The following DAB1 variants were observed in gnomAD, a reference collection of about 807,000 sequenced individuals.
DAB1 encodes disabled homolog 1.
DAB1 carries 15 observed loss-of-function variants against 64.6 expected under a neutral mutation model. That is an observed-to-expected ratio of 0.23 (90% CI 0.16 to 0.36). DAB1 has a LOEUF of 0.36. DAB1 is among the 10% of genes least tolerant of loss of function. The pLI, the probability that DAB1 is intolerant of heterozygous loss-of-function variation, is 1.00. For missense variants in DAB1, 596 were observed against 706.7 expected, an observed-to-expected ratio of 0.84 and a Z score of 1.78; for synonymous variants, 235 against 251.9, an observed-to-expected ratio of 0.93 and a Z score of 0.64.
At chr1:57,778,404 C>A (rs1232462176) in intron 6 of DAB1, among the ~76,000 whole-genome samples, 1 of 151,822 alleles carries the variant, frequency 6.6e-6, no homozygotes, top group African/African-American at 2.4e-5. Flanking sequence ...TCCAAAAGTG[C>A]CTCTAGGCAG....
chr1:57,857,860 AAAAAAAG>A (rs1557520097), intron 1 of DAB1, among the ~76,000 whole-genome samples: 1 of 151,380 alleles, frequency 6.6e-6, no homozygotes, highest in Non-Finnish European at 1.5e-5. Context: ...ATACAAAAAA[AAAAAAAG>A]AAAAAAGAAA....
chr1:58,380,291 G>C (rs534196706), intron 3 of DAB1, among the ~76,000 whole-genome samples: 6 of 152,200 alleles, frequency 3.9e-5, no homozygotes, highest in Admixed American at 6.5e-5. Flanking sequence ...GGTTTTATCA[G>C]TGGCAGTTTC....
chr1:57,283,373 C>G (rs890904165), intron 2 of DAB1, among the ~76,000 whole-genome samples: 4 of 152,316 alleles, frequency 2.6e-5, no homozygotes, highest in African/African-American at 7.2e-5. Flanking sequence ...TACCTTCTAC[C>G]TCTCTATATT....
intron 6 of DAB1, among the ~76,000 whole-genome samples, chr1:57,671,231 T>C (rs2101683995): frequency 6.6e-6 from 1 of 152,284 alleles, no homozygotes; most frequent in Middle Eastern, 3.4e-3. Flanking sequence ...ATATTTGTTA[T>C]TTGGAGAAGT....
intron 4 of DAB1, among the ~76,000 whole-genome samples, chr1:58,317,821 G>C (rs886751038): frequency 6.6e-6 from 1 of 152,156 alleles, no homozygotes; most frequent in African/African-American, 2.4e-5. Context: ...CTAAATCTGC[G>C]GTACTTTGTT....
intron 1 of DAB1, among the ~76,000 whole-genome samples, chr1:58,532,889 T>C (rs543360166): frequency 1.4e-4 from 21 of 152,322 alleles, no homozygotes; most frequent in African/African-American, 4.8e-4. Flanking sequence ...TTACTTTCAG[T>C]GTTTCAGAAA....
At chr1:58,396,637 T>A (rs1052884381) in intron 3 of DAB1, among the ~76,000 whole-genome samples, 3 of 149,240 alleles carry the variant, frequency 2.0e-5, no homozygotes, top group East Asian at 2.0e-4. Flanking sequence ...AGAGAGAGAC[T>A]CATGGCGACA....
chr1:58,123,535 T>C (rs1224399725), intron 5 of DAB1, among the ~76,000 whole-genome samples: 4 of 152,190 alleles, frequency 2.6e-5, no homozygotes, highest in African/African-American at 9.7e-5. Context: ...GAAAACAGTT[T>C]ACCTTGACGA....
intron 4 of DAB1, among the ~76,000 whole-genome samples, chr1:57,126,659 T>C (rs754089080): frequency 1.3e-5 from 2 of 152,198 alleles, no homozygotes; most frequent in East Asian, 1.9e-4. Context: ...GTGATCATTA[T>C]CATTACTATT....
At chr1:57,137,414 G>A (rs1658220248) in intron 3 of DAB1, among the ~76,000 whole-genome samples, 1 of 152,164 alleles carries the variant, frequency 6.6e-6, no homozygotes, top group Non-Finnish European at 1.5e-5. Context: ...GCAAATAATT[G>A]CTAGATGAAT....
At chr1:57,612,194 C>CG (rs1645734844) in intron 7 of DAB1, among the ~76,000 whole-genome samples, 2 of 102,830 alleles carry the variant, frequency 1.9e-5, no homozygotes, top group African/African-American at 9.2e-5. Context: ...TTGGCATGAT[C>CG]TTGTGTGTGT....
chr1:57,913,286 G>A (rs936754060), intron 5 of DAB1, among the ~76,000 whole-genome samples: 1 of 152,030 alleles, frequency 6.6e-6, no homozygotes, highest in Non-Finnish European at 1.5e-5. Context: ...CAGAAATAAT[G>A]CCACACATCT....
intron 6 of DAB1, among the ~76,000 whole-genome samples, chr1:57,723,195 C>T (rs1280192409): frequency 6.6e-6 from 1 of 152,164 alleles, no homozygotes; most frequent in African/African-American, 2.4e-5. Context: ...CTAAAGTAGA[C>T]TTGAAGCTTC....
rs1645657704 is a variant in DAB1, at chr1:56,997,142, TTGGCAAATGACTTTTCTTTGAAAA to T, written c.*978_*1001del. On this transcript the variant is annotated 3_prime_UTR_variant, in exon 15 of 15. Coordinates refer to ENST00000371236, the MANE Select transcript of DAB1 (RefSeq NM_001365792.1). ...ATTACCAGAATTGTACCAGAATTAT[TTGGCAAATGACTTTTCTTTGAAAA>T]TGGCACGTGGAGAAGACACTTGTCT... 1 of 152,236 alleles carries T rather than the reference TTGGCAAATGACTTTTCTTTGAAAA, an allele frequency of 6.6e-6. No homozygotes were observed. Among genetic ancestry groups the T allele is most frequent in the Admixed American group, 6.5e-5 (1 of 15,278 alleles). The allele number at this position is 152,236 out of a possible 1,614,324, so 9.4% of individuals were successfully genotyped here.
At chr1:57,276,459 C>T (rs1671473605) in intron 2 of DAB1, among the ~76,000 whole-genome samples, 1 of 152,222 alleles carries the variant, frequency 6.6e-6, no homozygotes, top group Non-Finnish European at 1.5e-5. Context: ...ACATAGAATA[C>T]TGTTCAACAA....
chr1:58,261,102 G>A (rs1226143136), intron 4 of DAB1, among the ~76,000 whole-genome samples: 2 of 152,078 alleles, frequency 1.3e-5, no homozygotes, highest in African/African-American at 4.8e-5. Context: ...GTGGGTATTT[G>A]TATCCTATAA....
intron 1 of DAB1, among the ~76,000 whole-genome samples, chr1:57,367,722 G>T (rs1156365789): frequency 6.6e-6 from 1 of 152,156 alleles, no homozygotes; most frequent in Non-Finnish European, 1.5e-5. Flanking sequence ...GGGACAAGTG[G>T]GAGCACTGTC....
chr1:57,384,983 C>T (rs1008147803), intron 1 of DAB1, among the ~76,000 whole-genome samples: 1 of 152,146 alleles, frequency 6.6e-6, no homozygotes, highest in African/African-American at 2.4e-5. Flanking sequence ...TAAAAATGTA[C>T]ATACTCCCCC....
At chr1:57,695,357 G>GA (rs1386674403) in intron 6 of DAB1, among the ~76,000 whole-genome samples, 5 of 16,018 alleles carry the variant, frequency 3.1e-4, no homozygotes, top group East Asian at 3.0e-3. Context: ...AGAAAGAAAA[G>GA]AAAGAAGAAA....
Sources: allele counts gnomAD v4.1 joint callset (sites outside exome capture counted in the v4.1 genomes callset), GRCh38; gene constraint gnomAD v4.1.1; transcripts MANE v1.5; gene names NCBI Gene and HGNC (gene_info 2026-07-23, HGNC 2026-07-21).